The following ABAT variants were observed in gnomAD, a reference collection of about 807,000 sequenced individuals.
The protein encoded by ABAT is 4-aminobutyrate aminotransferase, mitochondrial.
ABAT carries 45 observed loss-of-function variants against 64.6 expected under a neutral mutation model. The observed-to-expected ratio is 0.70, with a 90% CI of 0.55 to 0.89. The LOEUF (loss-of-function observed/expected upper bound fraction) is 0.89, where lower values mean the gene tolerates loss of function less well. ABAT is among the 40% of genes least tolerant of loss of function. ABAT has a pLI of 0.00. For synonymous variants in ABAT, 297 were observed against 250.5 expected (o/e 1.19, Z -1.75); for missense variants, 633 against 658.4 (o/e 0.96, Z 0.42).
intron 1 of ABAT, among the ~76,000 whole-genome samples, chr16:8,704,319 G>C (rs78536987): frequency 2.0e-5 from 3 of 152,180 alleles, no homozygotes; most frequent in Non-Finnish European, 4.4e-5. Context: ...TTAATGCCAC[G>C]TCAAGTTACT....
chr16:8,752,195 G>A (rs184124917), intron 5 of ABAT, among the ~76,000 whole-genome samples: 13 of 152,312 alleles, frequency 8.5e-5, no homozygotes, highest in Middle Eastern at 6.8e-3. Flanking sequence ...GACAGTAAGC[G>A]GATGACTCAT....
chr16:8,779,740 A>G (rs1299860199), intron 15 of ABAT, 150 bp downstream of exon 15: 1 of 708,182 alleles, frequency 1.4e-6, no homozygotes. Flanking sequence ...TTCTCCAAAG[A>G]AGAGAACATT....
chr16:8,695,708 G>C (rs899989341), intron 1 of ABAT, among the ~76,000 whole-genome samples: 1 of 152,154 alleles, frequency 6.6e-6, no homozygotes. Flanking sequence ...CTGCTAAGTG[G>C]AAAGAAATTT....
At chr16:8,755,920 G>A (rs1258100701) in intron 5 of ABAT, among the ~76,000 whole-genome samples, 2 of 152,110 alleles carry the variant, frequency 1.3e-5, no homozygotes, top group African/African-American at 2.4e-5. Context: ...GTGGTGATGG[G>A]CGCCTGTAGG....
At chr16:8,769,483 C>T (rs769838387) in intron 11 of ABAT, among the ~76,000 whole-genome samples, 6 of 145,568 alleles carry the variant, frequency 4.1e-5, no homozygotes, top group Admixed American at 7.1e-5. Context: ...CCCTTGGACC[C>T]GGGAGGCAGA....
intron 6 of ABAT, among the ~76,000 whole-genome samples, chr16:8,760,668 A>G (rs1306323061): frequency 1.3e-5 from 2 of 152,176 alleles, no homozygotes; most frequent in Non-Finnish European, 2.9e-5. Flanking sequence ...CGAATCCCAG[A>G]TGCCTTGGCA....
At chr16:8,741,594 T>C (rs12149331) in intron 2 of ABAT, among the ~76,000 whole-genome samples, 17,583 of 152,302 alleles carry the variant, frequency 0.12, 1,077 homozygotes, top group South Asian at 0.18. Flanking sequence ...CACACTTGAA[T>C]CTGCTTCTGT....
At chr16:8,741,709 G>T (rs1433476998) in intron 2 of ABAT, among the ~76,000 whole-genome samples, 2 of 152,132 alleles carry the variant, frequency 1.3e-5, no homozygotes, top group African/African-American at 2.4e-5. Context: ...AATATTCATT[G>T]TAATAGTATT....
rs930305649 is a variant in ABAT at position 8,740,910 on chromosome 16, CA to C, written c.71-5090del. On this transcript the variant is annotated intron_variant, in intron 2 of 15. Coordinates refer to ENST00000268251, the MANE Select transcript of ABAT (RefSeq NM_020686.6). ...TAAAAAAAATTTTTTAACAGAAAAGCAGAGCAAACAACTCCAGTTGGACTTG... is the reference window on the plus strand; with the variant it reads ...TAAAAAAAATTTTTTAACAGAAAAGCGAGCAAACAACTCCAGTTGGACTTG... Among the ~76,000 whole-genome samples, 11 of 152,336 alleles carry C rather than the reference CA, an allele frequency of 7.2e-5. 1 individual carries two copies. The highest frequency in any genetic ancestry group is 2.6e-4 in the African/African-American group (11 of 41,570).
At chr16:8,746,902 GC>G (rs2059349138) in intron 3 of ABAT, among the ~76,000 whole-genome samples, 1 of 152,122 alleles carries the variant, frequency 6.6e-6, no homozygotes, top group Admixed American at 6.6e-5. Context: ...GCTCTGTTGG[GC>G]TCACCTCCAT....
intron 1 of ABAT, among the ~76,000 whole-genome samples, chr16:8,727,135 T>C (rs575118397): frequency 6.6e-6 from 1 of 152,322 alleles, no homozygotes; most frequent in East Asian, 1.9e-4. Flanking sequence ...TCTCTTGTTC[T>C]GTGGGTTGCC....
At chr16:8,767,402 G>T (rs1434623140) in intron 9 of ABAT, among the ~76,000 whole-genome samples, 2 of 152,158 alleles carry the variant, frequency 1.3e-5, no homozygotes, top group Non-Finnish European at 2.9e-5. Flanking sequence ...CCCTTGCCTT[G>T]GTCACCCTGG....
chr16:8,755,787 C>T (rs1053329867), intron 5 of ABAT, among the ~76,000 whole-genome samples: 24 of 152,176 alleles, frequency 1.6e-4, no homozygotes, highest in South Asian at 4.1e-4. Context: ...CGGTGACTAC[C>T]GCCTGTAATC....
intron 1 of ABAT, among the ~76,000 whole-genome samples, chr16:8,699,756 G>C (rs1350542437): frequency 6.6e-6 from 1 of 151,956 alleles, no homozygotes; most frequent in African/African-American, 2.4e-5. Context: ...TGTAGAGGCA[G>C]GGTTTTGCCA....
chr16:8,774,539 A>T (rs2060210182), intron 12 of ABAT, among the ~76,000 whole-genome samples: 1 of 152,088 alleles, frequency 6.6e-6, no homozygotes, highest in Admixed American at 6.6e-5. Context: ...AGCACATTCG[A>T]GGCCTCACTG....
At chr16:8,777,199 G>C (rs527807756) in intron 14 of ABAT, among the ~76,000 whole-genome samples, 2 of 152,096 alleles carry the variant, frequency 1.3e-5, no homozygotes, top group Non-Finnish European at 2.9e-5. Flanking sequence ...CACCGTGCCC[G>C]GCCCTGGTTA....
intron 1 of ABAT, among the ~76,000 whole-genome samples, chr16:8,704,764 C>T (rs1158758681): frequency 6.6e-6 from 1 of 152,182 alleles, no homozygotes; most frequent in African/African-American, 2.4e-5. Flanking sequence ...TATAATCAAG[C>T]TGTTGTACCA....
At chr16:8,728,570 T>C (rs1164441842) in intron 1 of ABAT, among the ~76,000 whole-genome samples, 9 of 152,080 alleles carry the variant, frequency 5.9e-5, no homozygotes, top group East Asian at 1.9e-4. Flanking sequence ...AAAAAATCCA[T>C]TGAGTTATTA....
At position 8,695,492 on chromosome 16, in the gene ABAT, C is replaced by T. The variant is rs567700725; in HGVS notation, c.-42+20781C>T. On this transcript the variant is annotated intron_variant, in intron 1 of 15. Coordinates refer to ENST00000268251, the MANE Select transcript of ABAT (RefSeq NM_020686.6). The stretch of plus-strand genomic sequence containing the variant: ...CAGACCTGGTTCAAATCCCAACTGC[C>T]GCTTACTTGTGGCAAGAATAGGATG... 3.3e-5 allele frequency among the ~76,000 whole-genome samples: 5 copies of T among 152,314 alleles called. No individual in the cohort carries two copies. In the East Asian group the frequency reaches 7.7e-4, roughly 23 times the overall value.
Sources: allele counts gnomAD v4.1 joint callset (sites outside exome capture counted in the v4.1 genomes callset), GRCh38; gene constraint gnomAD v4.1.1; transcripts MANE v1.5; gene names NCBI Gene and HGNC (gene_info 2026-07-23, HGNC 2026-07-21).